AGMO: variants seen among roughly 807,000 people sequenced by gnomAD.
AGMO encodes the protein alkylglycerol monooxygenase, also known as glyceryl-ether monooxygenase.
In AGMO, 75 loss-of-function variants were observed where a neutral mutation model predicts 60.2. That is an observed-to-expected ratio of 1.25 (90% CI 1.03 to 1.51). The LOEUF (loss-of-function observed/expected upper bound fraction) is 1.51. Among genes scored for constraint, AGMO ranks in the 40% most tolerant of loss-of-function variants. The pLI, the probability that AGMO is intolerant of heterozygous loss-of-function variation, is 0.00. For synonymous variants in AGMO, 261 were observed against 177.1 expected (o/e 1.47, Z -3.76); for missense variants, 763 against 525.5 (o/e 1.45, Z -4.42).
At chr7:15,128,813 T>C in the AGMO span, among the ~76,000 whole-genome samples, 1 of 152,060 alleles carries the variant, frequency 6.6e-6, no homozygotes, top group Non-Finnish European at 1.5e-5. Context: ...CAATCAGCAC[T>C]TAAATTAGCA....
At chr7:15,410,726 C>T (rs896955190) in intron 5 of AGMO, among the ~76,000 whole-genome samples, 2 of 151,878 alleles carry the variant, frequency 1.3e-5, no homozygotes, top group African/African-American at 2.4e-5. Flanking sequence ...AAGATCATTT[C>T]TATAATGTAA....
chr7:15,379,515 A>G (rs1783592776), intron 10 of AGMO, among the ~76,000 whole-genome samples: 1 of 152,070 alleles, frequency 6.6e-6, no homozygotes, highest in Non-Finnish European at 1.5e-5. Flanking sequence ...ATCTAGACGA[A>G]TTTCCTGGAT....
intron 3 of AGMO, among the ~76,000 whole-genome samples, chr7:15,499,181 G>C (rs1249535649): frequency 6.6e-6 from 1 of 151,792 alleles, no homozygotes; most frequent in African/African-American, 2.4e-5. Flanking sequence ...TTTCCGTCTA[G>C]AAGTAAGCTT....
chr7:15,256,528 T>C (rs1783104582), intron 12 of AGMO, among the ~76,000 whole-genome samples: 1 of 151,892 alleles, frequency 6.6e-6, no homozygotes, highest in Non-Finnish European at 1.5e-5. Context: ...TGTGTAATTT[T>C]TTGTGTGTGT....
Position 15,230,479 on chromosome 7 carries a change from G to A in AGMO, c.1264-29120C>T, listed in dbSNP as rs146694530. Among the ~76,000 whole-genome samples the A allele has an allele frequency of 3.4e-3, 517 of 152,224 alleles. 1 individual carries two copies. Among genetic ancestry groups the A allele is most frequent in the African/African-American group, 0.011 (475 of 41,534 alleles). On this transcript the variant is annotated intron_variant, in intron 12 of 12. Transcript: ENST00000342526. The stretch of plus-strand genomic sequence containing the variant: ...ACCTGTCCTATGGCAAGTCCTACAG[G>A]GGAAGCTCCCCTCCTCACACCAGAC...
chr7:15,490,398 A>G (rs1783039446), intron 3 of AGMO, among the ~76,000 whole-genome samples: 2 of 151,870 alleles, frequency 1.3e-5, no homozygotes, highest in Non-Finnish European at 2.9e-5. Flanking sequence ...TGCATAAAGT[A>G]GTTCTTTCAC....
intron 12 of AGMO, among the ~76,000 whole-genome samples, chr7:15,250,774 T>C (rs899950472): frequency 2.6e-5 from 4 of 151,736 alleles, no homozygotes; most frequent in Non-Finnish European, 5.9e-5. Flanking sequence ...TGAAACCCCA[T>C]CTCTACTAAA....
chr7:15,411,266 T>A (rs199905239), intron 5 of AGMO, among the ~76,000 whole-genome samples: 3 of 151,996 alleles, frequency 2.0e-5, no homozygotes, highest in East Asian at 3.9e-4. Flanking sequence ...CTTCTATTAT[T>A]TATAAATTAC....
intron 12 of AGMO, among the ~76,000 whole-genome samples, chr7:15,323,021 T>TAA (rs1781229520): frequency 6.7e-6 from 1 of 149,052 alleles, no homozygotes; most frequent in Admixed American, 6.8e-5. Context: ...AAGGAAATTT[T>TAA]GTAGGTCGTT....
intron 5 of AGMO, among the ~76,000 whole-genome samples, chr7:15,405,583 A>T (rs1784664597): frequency 6.6e-6 from 1 of 151,938 alleles, no homozygotes; most frequent in South Asian, 2.1e-4. Flanking sequence ...TTTATGAACC[A>T]ATTCCAGAAT....
At chr7:15,344,349 G>C (rs1304354144) in intron 12 of AGMO, among the ~76,000 whole-genome samples, 3 of 152,154 alleles carry the variant, frequency 2.0e-5, no homozygotes, top group African/African-American at 7.2e-5. Context: ...AGGACTAATT[G>C]TTTTCAATGT....
intron 12 of AGMO, among the ~76,000 whole-genome samples, chr7:15,203,997 T>C (rs1299649302): frequency 6.6e-6 from 1 of 152,110 alleles, no homozygotes; most frequent in East Asian, 1.9e-4. Context: ...GGAATTTTTA[T>C]ATATAATAAA....
chr7:15,182,566 C>T, the AGMO span, among the ~76,000 whole-genome samples: 1 of 152,080 alleles, frequency 6.6e-6, no homozygotes, highest in East Asian at 1.9e-4. Context: ...CATGTGTGCA[C>T]CACCATACCT....
chr7:15,433,552 C>A (rs568651461), intron 3 of AGMO, among the ~76,000 whole-genome samples: 1 of 152,072 alleles, frequency 6.6e-6, no homozygotes, highest in Non-Finnish European at 1.5e-5. Context: ...TCCAGTAGTT[C>A]TTTTGTGAAC....
At chr7:15,312,864 T>C (rs1285461451) in intron 12 of AGMO, among the ~76,000 whole-genome samples, 1 of 152,030 alleles carries the variant, frequency 6.6e-6, no homozygotes, top group African/African-American at 2.4e-5. Flanking sequence ...AGACAGGGTT[T>C]TGCCATGTTG....
rs76463825 is a variant in AGMO at position 15,365,556 on chromosome 7, A to T, written c.1221T>A (p.Gly407=). ...ATGAAGGGACAAGAGGCTTCAGGTG[A>T]CCAAATCGGTACAGCATTAAGAACA... The part of the protein sequence containing the change: ...CLMFLMLYRF[G]HLKPLVPSLS... The change falls in exon 12 of 13, where the codon GGT becomes GGA. Residue 407 remains glycine, a synonymous_variant. Transcript: ENST00000342526. 6.2e-7 allele frequency: 1 copy of T among 1,612,944 alleles called. No homozygotes were observed. The highest frequency in any genetic ancestry group is 1.7e-5 in the Admixed American group (1 of 59,960).
intron 3 of AGMO, among the ~76,000 whole-genome samples, chr7:15,535,787 C>G (rs1283598749): frequency 6.6e-6 from 1 of 151,848 alleles, no homozygotes; most frequent in Non-Finnish European, 1.5e-5. Context: ...CTTTAGGCTA[C>G]AAACAATTCA....
intron 5 of AGMO, among the ~76,000 whole-genome samples, chr7:15,406,559 T>TACACACACACAC (rs201255638): frequency 5.6e-4 from 37 of 65,948 alleles, no homozygotes; most frequent in Middle Eastern, 0.015. Context: ...TTGTTTGGAA[T>TACACACACACAC]ACACACACAC....
intron 5 of AGMO, among the ~76,000 whole-genome samples, chr7:15,405,298 ATC>A (rs1398137905): frequency 1.3e-5 from 2 of 151,878 alleles, no homozygotes; most frequent in Non-Finnish European, 2.9e-5. Flanking sequence ...GCTGGTGGTG[ATC>A]TAAGTTTTAT....
Sources: allele counts gnomAD v4.1 joint callset (sites outside exome capture counted in the v4.1 genomes callset), GRCh38; gene constraint gnomAD v4.1.1; transcripts MANE v1.5; gene names NCBI Gene and HGNC (gene_info 2026-07-23, HGNC 2026-07-21).